The following ANK2 variants were observed in gnomAD, a reference collection of about 807,000 sequenced individuals.
ANK2 encodes the protein ankyrin-2.
Under a neutral mutation model 360.5 loss-of-function variants are expected in ANK2, and 83 were observed. The ratio of observed to expected loss-of-function variants is 0.23; its 90% CI spans 0.19 to 0.28. ANK2 has a LOEUF of 0.28. ANK2 is among the 10% of genes least tolerant of loss of function. The probability of loss-of-function intolerance (pLI) is 1.00; values close to 1 mark genes in which losing one functional copy is unlikely to be tolerated. For missense variants in ANK2, 4,201 were observed against 4,795.7 expected (o/e 0.88, Z 3.66); for synonymous variants, 1,740 against 1,759.5 (o/e 0.99, Z 0.28).
chr4:113,366,414 T>A (rs907463134), intron 41 of ANK2, among the ~76,000 whole-genome samples: 2 of 147,342 alleles, frequency 1.4e-5, no homozygotes, highest in African/African-American at 5.1e-5. Flanking sequence ...TTTTTTTTTT[T>A]AACTTTACTG....
In ANK2 at chr4:113,322,565, T is replaced by C. The variant is rs1379237972; in HGVS notation, c.2900+3945T>C. On this transcript the variant is annotated intron_variant, in intron 26 of 45. Coordinates refer to ENST00000357077, the MANE Select transcript of ANK2 (RefSeq NM_001148.6). ...TGTAAGTCTTCTTAAATATTGTTAT[T>C]AAAGGTCTTTAGTTTTTGTAGTGTT... Among the ~76,000 whole-genome samples, 3 of 152,330 alleles carry C rather than the reference T, an allele frequency of 2.0e-5. No individual in the cohort carries two copies. In the East Asian group the frequency reaches 5.8e-4, roughly 29 times the overall value.
At chr4:113,147,495 G>C (rs545528774) in intron 1 of ANK2, among the ~76,000 whole-genome samples, 4 of 152,154 alleles carry the variant, frequency 2.6e-5, no homozygotes, top group Non-Finnish European at 5.9e-5. Flanking sequence ...TCTGCTAAAG[G>C]TTTTATAGAC....
At chr4:112,737,182 G>GT in the ANK2 span, among the ~76,000 whole-genome samples, 1,912 of 152,332 alleles carry the variant, frequency 0.013, 39 homozygotes, top group African/African-American at 0.043. Flanking sequence ...TGCATACAAA[G>GT]TGCTGTGCAC....
rs2153957473 is a variant in ANK2 at position 113,335,836 on chromosome 4, C to A, written c.3380-10C>A. The A allele has an allele frequency of 6.2e-7, 1 of 1,612,630 alleles. No individual in the cohort carries two copies. Among genetic ancestry groups the A allele is most frequent in the African/African-American group, 1.3e-5 (1 of 75,014 alleles). ...CTATGTGAATGAAGGTGGGTCATTT[C>A]TTGTCTTAGTACTGGATAGCCCAGA... On this transcript the variant is annotated splice_polypyrimidine_tract_variant and intron_variant, in intron 29 of 45. Transcript: ENST00000357077.
chr4:113,268,495 A>G (rs2057159054), intron 14 of ANK2, among the ~76,000 whole-genome samples: 1 of 152,170 alleles, frequency 6.6e-6, no homozygotes, highest in Admixed American at 6.5e-5. Context: ...TTCTACATCT[A>G]TTGAGATTAT....
At position 113,381,586 on chromosome 4, in the gene ANK2, C is replaced by A. The variant is rs1352598517; in HGVS notation, c.*115C>A. 6.3e-7 allele frequency: 1 copy of A among 1,595,480 alleles called. No individual in the cohort carries two copies. Among genetic ancestry groups the A allele is most frequent in the Non-Finnish European group, 8.6e-7 (1 of 1,169,062 alleles). On this transcript the variant is annotated 3_prime_UTR_variant, in exon 46 of 46. Transcript: ENST00000357077. Reference sequence around the variant, plus strand: ...ACCAGGACGACCTCCAGCGCGATCTCCAGCAGCTCCTTCGGCATTTCTGCA... The same window carrying A: ...ACCAGGACGACCTCCAGCGCGATCTACAGCAGCTCCTTCGGCATTTCTGCA...
In ANK2 at chr4:113,359,106, G is replaced by A. The variant is rs1352060932; in HGVS notation, c.10488G>A (p.Glu3496=). 6.2e-7 allele frequency: 1 copy of A among 1,613,956 alleles called. No individual in the cohort carries two copies. Among genetic ancestry groups the A allele is most frequent in the Non-Finnish European group, 8.5e-7 (1 of 1,179,956 alleles). The change falls in exon 38 of 46, where the codon GAG becomes GAA. Residue 3496 remains glutamate (E), a synonymous_variant. Transcript: ENST00000357077. ...SKLVDRLTQS[E]REQEIVSDDE... Reference sequence around the variant, plus strand: ...TAGTGGATAGGCTGACACAGTCAGAGAGGGAGCAGGAAATAGTTTCAGACG... The same window carrying A: ...TAGTGGATAGGCTGACACAGTCAGAAAGGGAGCAGGAAATAGTTTCAGACG...
chr4:112,960,793 A>T (rs1015160942), intron 2 of ANK2, among the ~76,000 whole-genome samples: 2 of 152,098 alleles, frequency 1.3e-5, no homozygotes, highest in Non-Finnish European at 2.9e-5. Context: ...TGGCTTGTCA[A>T]GTTTCCTCAT....
chr4:113,323,826 T>C (rs1289177814), intron 26 of ANK2: 16 of 1,601,082 alleles, frequency 1.0e-5, no homozygotes, highest in Non-Finnish European at 1.4e-5. Context: ...TCTCTGAACA[T>C]GTTGCCTATT....
At chr4:112,768,988 A>G in the ANK2 span, among the ~76,000 whole-genome samples, 1 of 152,252 alleles carries the variant, frequency 6.6e-6, no homozygotes, top group Non-Finnish European at 1.5e-5. Flanking sequence ...TTGGCTTAAA[A>G]TAATAATAAT....
At chr4:112,806,161 C>G in the ANK2 span, among the ~76,000 whole-genome samples, 55 of 152,256 alleles carry the variant, frequency 3.6e-4, 1 homozygote, top group Admixed American at 3.6e-3. Flanking sequence ...CTTATTCTCT[C>G]TAAATATATT....
intron 1 of ANK2, chr4:112,882,425 A>G (rs756753367): frequency 1.6e-4 from 24 of 148,156 alleles, no homozygotes; most frequent in Admixed American, 2.0e-4. Context: ...CAACATAGAG[A>G]CATAGTCTCT....
At chr4:113,220,452 T>C (rs1158388690) in intron 4 of ANK2, among the ~76,000 whole-genome samples, 1 of 152,370 alleles carries the variant, frequency 6.6e-6, no homozygotes, top group East Asian at 1.9e-4. Context: ...CTTCTATAGC[T>C]TGGATATTCC....
At chr4:113,278,683 G>A in intron 17 of ANK2, 125 bp downstream of exon 17, 1 of 919,546 alleles carries the variant, frequency 1.1e-6, no homozygotes, top group Non-Finnish European at 1.7e-6. Flanking sequence ...GTAGCTTTTG[G>A]TATTGACACC....
At chr4:112,881,651 T>C in intron 1 of ANK2, 1 of 421,792 alleles carries the variant, frequency 2.4e-6, no homozygotes, top group Non-Finnish European at 4.3e-6. Flanking sequence ...CTTTACACTT[T>C]CCACAGAACA....
At chr4:112,947,056 A>G (rs1287557985) in intron 2 of ANK2, among the ~76,000 whole-genome samples, 1 of 152,186 alleles carries the variant, frequency 6.6e-6, no homozygotes, top group Non-Finnish European at 1.5e-5. Context: ...CTCTTGCATG[A>G]TTCATTCTTG....
chr4:113,116,255 T>C (rs1022930689), intron 1 of ANK2, among the ~76,000 whole-genome samples: 2 of 152,214 alleles, frequency 1.3e-5, no homozygotes, highest in African/African-American at 4.8e-5. Context: ...TGAGTACCTA[T>C]GTGCCCTCTT....
intron 42 of ANK2, among the ~76,000 whole-genome samples, chr4:113,369,264 C>T (rs1296892769): frequency 2.6e-5 from 4 of 152,138 alleles, no homozygotes; most frequent in African/African-American, 7.2e-5. Context: ...AACTGTAATA[C>T]ATTTTAGGAT....
intron 2 of ANK2, among the ~76,000 whole-genome samples, chr4:112,987,614 C>G (rs539548808): frequency 3.9e-4 from 59 of 152,112 alleles, no homozygotes; most frequent in African/African-American, 1.3e-3. Flanking sequence ...TACCCACCAA[C>G]AGGATTACTT....
Sources: allele counts gnomAD v4.1 joint callset (sites outside exome capture counted in the v4.1 genomes callset), GRCh38; gene constraint gnomAD v4.1.1; transcripts MANE v1.5; gene names NCBI Gene and HGNC (gene_info 2026-07-23, HGNC 2026-07-21).